Variants in ACOT13 observed in about 807,000 individuals in gnomAD.
ACOT13 encodes acyl-coenzyme A thioesterase 13.
In ACOT13, 10 loss-of-function variants were observed where a neutral mutation model predicts 11.8. The observed-to-expected ratio is 0.85, with a 90% CI of 0.53 to 1.44. The LOEUF (loss-of-function observed/expected upper bound fraction) is 1.44, where lower values mean the gene tolerates loss of function less well. Ranked by LOEUF, ACOT13 falls within the 40% of genes most tolerant of loss-of-function variation. The pLI, the probability that ACOT13 is intolerant of heterozygous loss-of-function variation, is 0.00. For missense variants in ACOT13, 172 were observed against 174.1 expected, an observed-to-expected ratio of 0.99 and a Z score of 0.07; for synonymous variants, 53 against 61.0, an observed-to-expected ratio of 0.87 and a Z score of 0.61.
chr6:24,688,780 C>T lies in ACOT13; in HGVS notation c.82-9103C>T, dbSNP rs559292027. Among the ~76,000 whole-genome samples the T allele has an allele frequency of 9.2e-5, 14 of 152,256 alleles. 1 individual carries two copies. In the South Asian group the frequency reaches 2.9e-3, roughly 32 times the overall value. On this transcript the variant is annotated intron_variant, in intron 1 of 2. Transcript: ENST00000230048. Reference sequence around the variant, plus strand: ...ATAGCACTATGTGTCAGGCACTATGCACTTTGTTCATCTGAACTCATCTTT... The same window carrying T: ...ATAGCACTATGTGTCAGGCACTATGTACTTTGTTCATCTGAACTCATCTTT...
chr6:24,678,506 C>T (rs55712144), intron 1 of ACOT13, among the ~76,000 whole-genome samples: 5,740 of 152,214 alleles, frequency 0.038, 157 homozygotes, highest in Non-Finnish European at 0.056. Context: ...TCTAAGGGTA[C>T]TGCCTTTGGT....
chr6:24,687,186 G>A (rs1562159839), intron 1 of ACOT13, among the ~76,000 whole-genome samples: 1 of 152,016 alleles, frequency 6.6e-6, no homozygotes, highest in Non-Finnish European at 1.5e-5. Flanking sequence ...CTGGAACTAC[G>A]ACCCATTAAA....
At position 24,703,646 on chromosome 6, in the gene ACOT13, T is replaced by C. The variant is rs1212044708; in HGVS notation, c.*2031T>C. On this transcript the variant is annotated 3_prime_UTR_variant, in exon 3 of 3. Coordinates refer to ENST00000230048, the MANE Select transcript of ACOT13 (RefSeq NM_018473.4). ...CAAAGCATTAGATTTGGAAAATCAC[T>C]ATTTTGTAACCATCATAGTTAAAGA... The C allele has an allele frequency of 6.6e-6, 1 of 152,234 alleles. No homozygotes were observed. The highest frequency in any genetic ancestry group is 1.5e-5 in the Non-Finnish European group (1 of 68,044). 9.4% of individuals were successfully genotyped at this position (152,234 alleles called of 1,614,324 possible). A position where few individuals can be genotyped will look rare whatever the true frequency, so the allele number is the denominator to read the frequency against.
chr6:24,701,438 CTA>C lies in ACOT13; in HGVS notation c.267-17_267-16del. 1.3e-6 allele frequency: 2 copies of C among 1,591,750 alleles called. No homozygotes were observed. The highest frequency in any genetic ancestry group is 8.6e-7 in the Non-Finnish European group (1 of 1,166,222). On this transcript the variant is annotated intron_variant, in intron 2 of 2. Coordinates refer to ENST00000230048, the MANE Select transcript of ACOT13 (RefSeq NM_018473.4). The stretch of plus-strand genomic sequence containing the variant: ...CCTTTGAAAAATTATCTGCTGTTAA[CTA>C]TATTCATTTTCTTTCAAGGTACATG...
chr6:24,671,690 A>C lies in ACOT13; in HGVS notation c.81+4346A>C, dbSNP rs973279522. Among the ~76,000 whole-genome samples the C allele has an allele frequency of 9.1e-4, 139 of 152,326 alleles. 1 individual carries two copies. Among genetic ancestry groups the C allele is most frequent in the African/African-American group, 2.0e-3 (83 of 41,558 alleles). ...CAAAAAACAACAACAGCAACAACAA[A>C]AAAAAACACTTTCTAAAGAGGACCA... On this transcript the variant is annotated intron_variant, in intron 1 of 2. Transcript: ENST00000230048.
In ACOT13 at chr6:24,685,332, C is replaced by CTTTTTTTTT. The variant is rs563020332; in HGVS notation, c.82-12527_82-12519dup. 1.9e-4 allele frequency among the ~76,000 whole-genome samples: 22 copies of CTTTTTTTTT among 116,772 alleles called. 2 individuals are homozygous for CTTTTTTTTT. Among genetic ancestry groups the CTTTTTTTTT allele is most frequent in the South Asian group, 5.7e-4 (2 of 3,516 alleles). 76.6% of individuals were successfully genotyped at this position (116,772 alleles called of 152,430 possible). A position where few individuals can be genotyped will look rare whatever the true frequency, so the allele number is the denominator to read the frequency against. ...ACATGGTCTCTTTCCTTTTACTGTACTTTTTTTTTTTTTTTTTTTTTTTTT... is the reference window on the plus strand; with the variant it reads ...ACATGGTCTCTTTCCTTTTACTGTACTTTTTTTTTTTTTTTTTTTTTTTTTTTTTTTTTT... On this transcript the variant is annotated intron_variant, in intron 1 of 2. Coordinates refer to ENST00000230048, the MANE Select transcript of ACOT13 (RefSeq NM_018473.4).
chr6:24,671,517 C>G (rs566549599), intron 1 of ACOT13, among the ~76,000 whole-genome samples: 1 of 152,150 alleles, frequency 6.6e-6, no homozygotes, highest in Non-Finnish European at 1.5e-5. Context: ...ATGTAAATGA[C>G]GAATTAATGG....
chr6:24,687,588 G>C (rs1778652581), intron 1 of ACOT13: 8 of 1,469,230 alleles, frequency 5.4e-6, no homozygotes, highest in Admixed American at 2.8e-5. Context: ...GATGTCAAGA[G>C]GAGGAACACA....
Position 24,701,440 on chromosome 6 carries a change from A to C in ACOT13, c.267-19A>C. On this transcript the variant is annotated intron_variant, in intron 2 of 2. Coordinates refer to ENST00000230048, the MANE Select transcript of ACOT13 (RefSeq NM_018473.4). The stretch of plus-strand genomic sequence containing the variant: ...TTTGAAAAATTATCTGCTGTTAACT[A>C]TATTCATTTTCTTTCAAGGTACATG... 6.3e-7 allele frequency: 1 copy of C among 1,594,738 alleles called. No individual in the cohort carries two copies. The highest frequency in any genetic ancestry group is 8.6e-7 in the Non-Finnish European group (1 of 1,168,200).
chr6:24,667,246 G>T lies in ACOT13; in HGVS notation c.-18G>T. 1.9e-6 allele frequency: 3 copies of T among 1,613,472 alleles called. No homozygotes were observed. The highest frequency in any genetic ancestry group is 1.3e-5 in the African/African-American group (1 of 75,022). ...GTTCGTTCTTGCGCAAAGCCCAAAG[G>T]CTGGAAAACCGTCCACGATGACCAG... On this transcript the variant is annotated 5_prime_UTR_variant, in exon 1 of 3. Coordinates refer to ENST00000230048, the MANE Select transcript of ACOT13 (RefSeq NM_018473.4).
chr6:24,686,400 G>A (rs914135033), intron 1 of ACOT13, among the ~76,000 whole-genome samples: 1 of 152,120 alleles, frequency 6.6e-6, no homozygotes, highest in African/African-American at 2.4e-5. Context: ...GGATTATTTT[G>A]ACTCACAGTT....
At position 24,703,862 on chromosome 6, in the gene ACOT13, T is replaced by TA. The variant is rs1778939895; in HGVS notation, c.*2249dup. 6.6e-6 allele frequency: 1 copy of TA among 152,176 alleles called. No homozygotes were observed. Among genetic ancestry groups the TA allele is most frequent in the African/African-American group, 2.4e-5 (1 of 41,426 alleles). 9.4% of individuals were successfully genotyped at this position (152,176 alleles called of 1,614,324 possible). Reference sequence around the variant, plus strand: ...TGGAGAGTATACTTGAGAAGGGCGTTAAGCATGAATAAACAATTCAAATGC... The same window carrying TA: ...TGGAGAGTATACTTGAGAAGGGCGTTAAAGCATGAATAAACAATTCAAATGC... On this transcript the variant is annotated 3_prime_UTR_variant, in exon 3 of 3. Coordinates refer to ENST00000230048, the MANE Select transcript of ACOT13 (RefSeq NM_018473.4).
intron 1 of ACOT13, among the ~76,000 whole-genome samples, chr6:24,686,537 T>C (rs562578478): frequency 6.8e-6 from 1 of 146,212 alleles, no homozygotes; most frequent in Non-Finnish European, 1.5e-5. Context: ...CACACTCTTT[T>C]TTTTCTTTTC....
chr6:24,672,407 G>A (rs766315721), intron 1 of ACOT13, among the ~76,000 whole-genome samples: 12 of 152,204 alleles, frequency 7.9e-5, no homozygotes, highest in South Asian at 2.1e-4. Flanking sequence ...TTGGGAGGCC[G>A]AGGTGGGCAG....
intron 2 of ACOT13, among the ~76,000 whole-genome samples, chr6:24,698,696 C>T (rs868425539): frequency 1.1e-4 from 16 of 149,774 alleles, no homozygotes; most frequent in Middle Eastern, 3.5e-3. Flanking sequence ...TGGAGTGCAG[C>T]GGCACAATCT....
intron 1 of ACOT13, among the ~76,000 whole-genome samples, chr6:24,673,163 A>C (rs1778389662): frequency 6.6e-6 from 1 of 152,228 alleles, no homozygotes. Context: ...TTATTTCAAC[A>C]AAATGTAAAC....
At chr6:24,681,946 T>TC (rs1778558962) in intron 1 of ACOT13, among the ~76,000 whole-genome samples, 1 of 152,074 alleles carries the variant, frequency 6.6e-6, no homozygotes, top group Admixed American at 6.5e-5. Context: ...GACTGTTGAG[T>TC]AGAGACTTCT....
intron 1 of ACOT13, among the ~76,000 whole-genome samples, chr6:24,681,915 G>A (rs1440975564): frequency 6.6e-6 from 1 of 152,222 alleles, no homozygotes; most frequent in Non-Finnish European, 1.5e-5. Context: ...CAGAAGGAAA[G>A]GTAGGGGCGC....
At chr6:24,687,635 A>G (rs1042246658) in intron 1 of ACOT13, 37 of 1,522,628 alleles carry the variant, frequency 2.4e-5, no homozygotes, top group Non-Finnish European at 3.2e-5. Flanking sequence ...ACTGAACCTT[A>G]AAGACATACA....
Sources: allele counts gnomAD v4.1 joint callset (sites outside exome capture counted in the v4.1 genomes callset), GRCh38; gene constraint gnomAD v4.1.1; transcripts MANE v1.5; gene names NCBI Gene and HGNC (gene_info 2026-07-23, HGNC 2026-07-21).